The following NBPF14 variants were observed in gnomAD, a reference collection of about 807,000 sequenced individuals.
The protein encoded by NBPF14 is NBPF family member NBPF14.
NBPF14 carries 104 observed loss-of-function variants against 91.2 expected under a neutral mutation model. The observed-to-expected ratio is 1.14, with a 90% CI of 0.97 to 1.34. The LOEUF (loss-of-function observed/expected upper bound fraction) is 1.34, where lower values mean the gene tolerates loss of function less well. Among genes scored for constraint, NBPF14 ranks in the 40% most tolerant of loss-of-function variants. NBPF14 has a pLI of 0.00. For synonymous variants in NBPF14, 294 were observed against 303.8 expected (o/e 0.97, Z 0.34); for missense variants, 908 against 783.0 (o/e 1.16, Z -1.91).
chr1:148,591,193 C>A (rs1181779095), intron 5 of NBPF14, among the ~76,000 whole-genome samples: 1 of 147,132 alleles, frequency 6.8e-6, no homozygotes, highest in Non-Finnish European at 1.5e-5. Flanking sequence ...GTGCACTGAA[C>A]AGATAGGAGC....
chr1:148,557,696 A>G (rs1656913910), intron 39 of NBPF14, among the ~76,000 whole-genome samples, 154 bp from the exon 40 acceptor site: 1 of 130,326 alleles, frequency 7.7e-6, no homozygotes, highest in African/African-American at 3.5e-5. Context: ...AAAGCTGGTC[A>G]TGATATTCCT....
chr1:148,576,012 A>G (rs1402570766), intron 16 of NBPF14, among the ~76,000 whole-genome samples: 1 of 147,320 alleles, frequency 6.8e-6, no homozygotes, highest in African/African-American at 2.5e-5. Flanking sequence ...AGGGAGAGGG[A>G]GAGAGAGAGA....
chr1:148,593,570 C>T (rs1373342491), intron 3 of NBPF14, 28 bp downstream of exon 3: 10 of 1,566,990 alleles, frequency 6.4e-6, no homozygotes, highest in Admixed American at 3.4e-5. Flanking sequence ...CACCTACCCG[C>T]CTGCCTCCCC....
In NBPF14 at chr1:148,559,973, A is replaced by G. The variant is rs1657420011; in HGVS notation, c.4557-8T>C. 3.9e-6 allele frequency: 5 copies of G among 1,280,414 alleles called. 1 individual carries two copies. The Admixed American group carries it at 7.1e-5, about 18-fold the overall frequency. 79.3% of individuals were successfully genotyped at this position (1,280,414 alleles called of 1,614,324 possible). ...AGCAGCTCCCTGCTGAGCCTGGAAA[A>G]GTGGAAAAAAGTAAAGAATAAGCCA... On this transcript the variant is annotated splice_region_variant and splice_polypyrimidine_tract_variant and intron_variant, in intron 36 of 70. Transcript: ENST00000619423.
rs1322531473 is a variant in NBPF14, at chr1:148,566,479, C to T, written c.3543-164G>A. On this transcript the variant is annotated intron_variant, in intron 28 of 70. Transcript: ENST00000619423. ...CCTTCATGTTGGGACAGAACAGGGC[C>T]AAATGGAAAAGAATGAAAGAGAAAG... 2.9e-5 allele frequency among the ~76,000 whole-genome samples: 4 copies of T among 139,312 alleles called. 1 individual carries two copies. The highest frequency in any genetic ancestry group is 5.3e-5 in the African/African-American group (2 of 37,662). 91.4% of individuals were successfully genotyped at this position (139,312 alleles called of 152,430 possible). A position where few individuals can be genotyped will look rare whatever the true frequency, so the allele number is the denominator to read the frequency against.
chr1:148,534,915 C>G (rs1267684346), intron 68 of NBPF14, 59 bp from the exon 69 acceptor site: 14 of 727,018 alleles, frequency 1.9e-5, no homozygotes, highest in Non-Finnish European at 3.3e-5. Context: ...CACACAGCCC[C>G]AGCTAGATTT....
rs1184517690 is a variant in NBPF14, at chr1:148,566,339, G to T, written c.3543-24C>A. The T allele has an allele frequency of 1.0e-5, 8 of 765,514 alleles. 1 individual carries two copies. The East Asian group carries it at 1.9e-4, about 19-fold the overall frequency. The allele number at this position is 765,514 out of a possible 1,614,324, so 47.4% of individuals were successfully genotyped here. ...GCCTGGAAAAGGAGGAAAAGGTAAA[G>T]AATAAGCCAGGGGAAATCAGACACA... On this transcript the variant is annotated intron_variant, in intron 28 of 70. Coordinates refer to ENST00000619423, the Ensembl canonical transcript of NBPF14.
rs1474225191 is a variant in NBPF14, at chr1:148,534,251, G to T, written c.8615-282C>A. On this transcript the variant is annotated intron_variant, in intron 69 of 70. Transcript: ENST00000619423. ...GTTACGCCATATTTTTCCAATCAAC[G>T]TAAAGCAAATACCCTCAATGATTTC... Among the ~76,000 whole-genome samples, 112 of 151,400 alleles carry T rather than the reference G, an allele frequency of 7.4e-4. 1 individual carries two copies. Among genetic ancestry groups the T allele is most frequent in the African/African-American group, 1.1e-3 (45 of 41,088 alleles).
At chr1:148,533,444 CAGAG>C (rs1207126634) in intron 70 of NBPF14, among the ~76,000 whole-genome samples, 196 bp from the exon 71 acceptor site, 1 of 149,216 alleles carries the variant, frequency 6.7e-6, no homozygotes, top group Non-Finnish European at 1.5e-5. Flanking sequence ...AAGAGAAAGA[CAGAG>C]AGAGAGAGAC....
intron 18 of NBPF14, among the ~76,000 whole-genome samples, chr1:148,574,472 C>CACAGAG (rs1386324473): frequency 4.6e-5 from 1 of 21,790 alleles, no homozygotes; most frequent in Non-Finnish European, 8.0e-5. Context: ...CACACACACA[C>CACAGAG]AGAGAGAGAG....
intron 40 of NBPF14, among the ~76,000 whole-genome samples, chr1:148,557,077 C>G (rs1204781169): frequency 2.4e-5 from 3 of 125,356 alleles, no homozygotes; most frequent in Non-Finnish European, 4.6e-5. Flanking sequence ...CACACACACA[C>G]ACACACACAC....
intron 70 of NBPF14, among the ~76,000 whole-genome samples, 160 bp downstream of exon 70, chr1:148,533,701 G>A (rs1198381220): frequency 0.027 from 4,085 of 150,704 alleles, 9 homozygotes; most frequent in Non-Finnish European, 0.043. Flanking sequence ...AGGAAGAAAT[G>A]GAAACCTAAA....
At chr1:148,532,458 G>A (rs1396942928) in exon 71 of NBPF14, 1 of 154,432 alleles carries the variant, frequency 6.5e-6, no homozygotes, top group East Asian at 1.9e-4. Context: ...CTGAAGGACT[G>A]TGGCTTCTCT....
chr1:148,592,871 A>T, intron 3 of NBPF14, 105 bp from the exon 4 acceptor site: 3 of 822,108 alleles, frequency 3.6e-6, no homozygotes, highest in Non-Finnish European at 5.5e-6. Flanking sequence ...GAGACCTCCA[A>T]GCAGAAGGTC....
At chr1:148,593,384 T>A (rs1206777479) in intron 3 of NBPF14, among the ~76,000 whole-genome samples, 1 of 148,544 alleles carries the variant, frequency 6.7e-6, no homozygotes, top group Non-Finnish European at 1.5e-5. Context: ...AATTACTTGT[T>A]TGAAAAAGAG....
Position 148,566,432 on chromosome 1 carries a change from T to A in NBPF14, c.3543-117A>T, listed in dbSNP as rs1282724791. ...TTAAAAAACTAAAAGGATAGATCCA[T>A]TAATGAGGTAACAAATTGTTGCCTT... On this transcript the variant is annotated intron_variant, in intron 28 of 70. Transcript: ENST00000619423. 19 of 604,604 alleles carry A rather than the reference T, an allele frequency of 3.1e-5. 1 individual carries two copies. Among genetic ancestry groups the A allele is most frequent in the Non-Finnish European group, 5.5e-5 (19 of 343,212 alleles). 37.5% of individuals were successfully genotyped at this position (604,604 alleles called of 1,614,324 possible).
At chr1:148,566,586 G>T (rs1282824495) in intron 28 of NBPF14, among the ~76,000 whole-genome samples, 9 of 142,646 alleles carry the variant, frequency 6.3e-5, no homozygotes, top group Middle Eastern at 3.6e-3. Context: ...AATTGTCCAG[G>T]TGACACACTG....
rs1289982576 is a variant in NBPF14, at chr1:148,587,128, C to T, written c.1091+173G>A. On this transcript the variant is annotated intron_variant, in intron 8 of 70. Transcript: ENST00000619423. ...AAGGCTCTGAGAAACAACTGCAACC[C>T]ATACATTTTTACTATCCTTCTTCTC... 2.0e-4 allele frequency among the ~76,000 whole-genome samples: 30 copies of T among 148,330 alleles called. 2 individuals are homozygous for T. Among genetic ancestry groups the T allele is most frequent in the African/African-American group, 7.1e-4 (29 of 40,830 alleles).
chr1:148,561,820 G>C lies in NBPF14; in HGVS notation c.4275-241C>G, dbSNP rs1179388225. Reference sequence around the variant, plus strand: ...ACACACAAACACACACACACACACAGAGAGAGAGAGAGAGAGAGAGAGAGA... The same window carrying C: ...ACACACAAACACACACACACACACACAGAGAGAGAGAGAGAGAGAGAGAGA... On this transcript the variant is annotated intron_variant, in intron 34 of 70. Transcript: ENST00000619423. Among the ~76,000 whole-genome samples, 225 of 109,998 alleles carry C rather than the reference G, an allele frequency of 2.0e-3. 3 individuals are homozygous for C. The highest frequency in any genetic ancestry group is 0.019 in the South Asian group (74 of 3,844). 72.2% of individuals were successfully genotyped at this position (109,998 alleles called of 152,430 possible).
Sources: gnomAD v4.1 joint callset for allele counts (sites outside exome capture counted in the v4.1 genomes callset) on GRCh38, gnomAD v4.1.1 for gene constraint, MANE v1.5 for transcripts, NCBI Gene and HGNC (gene_info 2026-07-23, HGNC 2026-07-21) for gene names.